ADAMTS17: variants seen among roughly 807,000 people sequenced by gnomAD.
The protein encoded by ADAMTS17 is ADAM metallopeptidase with thrombospondin type 1 motif 17.
ADAMTS17 carries 113 observed loss-of-function variants against 141.5 expected under a neutral mutation model. That is an observed-to-expected ratio of 0.80 (90% CI 0.69 to 0.93). ADAMTS17 has a LOEUF of 0.93. ADAMTS17 is among the 40% of genes least tolerant of loss of function. The probability of loss-of-function intolerance (pLI) is 0.00; values close to 1 mark genes in which losing one functional copy is unlikely to be tolerated. For missense variants in ADAMTS17, 1,659 were observed against 1,517.9 expected, an observed-to-expected ratio of 1.09 and a Z score of -1.54; for synonymous variants, 768 against 630.6, an observed-to-expected ratio of 1.22 and a Z score of -3.27.
intron 8 of ADAMTS17, among the ~76,000 whole-genome samples, chr15:100,156,125 C>T (rs1470542309): frequency 6.6e-6 from 1 of 152,200 alleles, no homozygotes; most frequent in African/African-American, 2.4e-5. Flanking sequence ...TTTCCAAGTG[C>T]CAGGTAACGG....
chr15:100,167,522 G>A (rs2039996721), intron 8 of ADAMTS17, among the ~76,000 whole-genome samples: 1 of 152,142 alleles, frequency 6.6e-6, no homozygotes, highest in Non-Finnish European at 1.5e-5. Flanking sequence ...AAAGCTCTTT[G>A]CATCCAAGTG....
chr15:100,178,657 A>G (rs1479635532), intron 8 of ADAMTS17, among the ~76,000 whole-genome samples: 1 of 151,534 alleles, frequency 6.6e-6, no homozygotes, highest in Admixed American at 6.6e-5. Context: ...TCTTTTACCC[A>G]TTCTGTTTTG....
chr15:100,292,355 C>A (rs1172557655), intron 3 of ADAMTS17, among the ~76,000 whole-genome samples: 2 of 150,122 alleles, frequency 1.3e-5, no homozygotes, highest in African/African-American at 4.9e-5. Flanking sequence ...AGACACTCAC[C>A]CCGTGTGAAA....
At chr15:100,077,879 A>G (rs1307382652) in intron 15 of ADAMTS17, among the ~76,000 whole-genome samples, 2 of 152,250 alleles carry the variant, frequency 1.3e-5, no homozygotes, top group African/African-American at 2.4e-5. Flanking sequence ...AATCCATTAA[A>G]AAACCTATAT....
intron 7 of ADAMTS17, among the ~76,000 whole-genome samples, chr15:100,220,183 C>T (rs1411992457): frequency 1.3e-5 from 2 of 152,074 alleles, no homozygotes; most frequent in Non-Finnish European, 1.5e-5. Flanking sequence ...GCAGACATGT[C>T]GATGTCAGGC....
At chr15:100,229,616 C>T (rs998958565) in intron 7 of ADAMTS17, among the ~76,000 whole-genome samples, 3 of 152,172 alleles carry the variant, frequency 2.0e-5, no homozygotes, top group Non-Finnish European at 4.4e-5. Flanking sequence ...AGGATCCACC[C>T]TCTGTTGACC....
chr15:100,144,158 G>A (rs533702825), intron 10 of ADAMTS17, among the ~76,000 whole-genome samples: 22 of 152,310 alleles, frequency 1.4e-4, no homozygotes, highest in African/African-American at 5.3e-4. Flanking sequence ...CACATAACAA[G>A]ATCTGGCCCT....
chr15:100,321,151 C>T (rs1421718255), intron 3 of ADAMTS17, among the ~76,000 whole-genome samples: 2 of 152,110 alleles, frequency 1.3e-5, no homozygotes, highest in African/African-American at 2.4e-5. Flanking sequence ...AAACCTGATG[C>T]CTCAGACTTC....
chr15:100,126,796 C>T (rs996753601), intron 12 of ADAMTS17, among the ~76,000 whole-genome samples: 2 of 152,158 alleles, frequency 1.3e-5, no homozygotes, highest in African/African-American at 2.4e-5. Flanking sequence ...GCTGTGGGCA[C>T]GGAAGGCAGC....
chr15:100,038,681 T>C (rs1280300854), intron 18 of ADAMTS17, among the ~76,000 whole-genome samples: 1 of 152,242 alleles, frequency 6.6e-6, no homozygotes, highest in African/African-American at 2.4e-5. Context: ...TCTGTAAACA[T>C]CCAGACCTTG....
At chr15:100,034,208 G>A (rs2030473650) in intron 18 of ADAMTS17, among the ~76,000 whole-genome samples, 1 of 152,242 alleles carries the variant, frequency 6.6e-6, no homozygotes. Flanking sequence ...GCACAAGGCT[G>A]GGATTCTCAA....
chr15:100,262,781 C>T (rs1165885340), intron 4 of ADAMTS17, among the ~76,000 whole-genome samples: 5 of 131,472 alleles, frequency 3.8e-5, no homozygotes, highest in Non-Finnish European at 7.9e-5. Flanking sequence ...TCTTCCAGTA[C>T]TAAAAAAAAA....
At chr15:100,314,930 C>T (rs527780517) in intron 3 of ADAMTS17, among the ~76,000 whole-genome samples, 5 of 152,302 alleles carry the variant, frequency 3.3e-5, no homozygotes, top group South Asian at 2.1e-4. Flanking sequence ...GAAGAGGAGC[C>T]GACCGTCCCT....
chr15:100,137,751 C>G (rs1200605176), intron 10 of ADAMTS17, among the ~76,000 whole-genome samples: 2 of 152,214 alleles, frequency 1.3e-5, no homozygotes, highest in East Asian at 3.8e-4. Flanking sequence ...GTGTGATGAG[C>G]ACATGCAAGG....
intron 20 of ADAMTS17, among the ~76,000 whole-genome samples, chr15:99,985,449 A>G (rs1011046220): frequency 6.6e-6 from 1 of 150,762 alleles, no homozygotes; most frequent in Non-Finnish European, 1.5e-5. Flanking sequence ...AGGGGAGGCT[A>G]AACATGCAGG....
At chr15:100,032,168 T>C (rs893868682) in intron 18 of ADAMTS17, among the ~76,000 whole-genome samples, 3 of 152,102 alleles carry the variant, frequency 2.0e-5, no homozygotes, top group African/African-American at 7.2e-5. Context: ...CTCTCCTCCA[T>C]TGCCTGCCAA....
At chr15:100,141,029 G>A (rs1170236648) in intron 10 of ADAMTS17, among the ~76,000 whole-genome samples, 4 of 152,190 alleles carry the variant, frequency 2.6e-5, no homozygotes, top group East Asian at 1.9e-4. Flanking sequence ...TCCCGCCCCC[G>A]GCGGCAGTGC....
intron 14 of ADAMTS17, among the ~76,000 whole-genome samples, chr15:100,099,733 C>CATGGG (rs1567171510): frequency 2.0e-5 from 3 of 149,062 alleles, no homozygotes; most frequent in African/African-American, 7.5e-5. Flanking sequence ...TAATTAAAGG[C>CATGGG]ATGGGATGGT....
intron 15 of ADAMTS17, among the ~76,000 whole-genome samples, chr15:100,062,436 C>T (rs2033195876): frequency 6.6e-6 from 1 of 152,186 alleles, no homozygotes; most frequent in South Asian, 2.1e-4. Context: ...GTGCGAGGAG[C>T]ATCTTAGCGT....
Sources: gnomAD v4.1 joint callset for allele counts (sites outside exome capture counted in the v4.1 genomes callset) on GRCh38, gnomAD v4.1.1 for gene constraint, MANE v1.5 for transcripts, NCBI Gene and HGNC (gene_info 2026-07-23, HGNC 2026-07-21) for gene names.